Variants in SPRED2 observed in about 807,000 individuals in gnomAD.
SPRED2 encodes the protein sprouty-related, EVH1 domain-containing protein 2.
In SPRED2, 47 loss-of-function variants were observed where a neutral mutation model predicts 43.0. The ratio of observed to expected loss-of-function variants is 1.09; its 90% confidence interval spans 0.87 to 1.40. SPRED2 has a LOEUF of 1.40. Ranked by LOEUF, SPRED2 falls within the 40% of genes most tolerant of loss-of-function variation. The pLI is 0.00. For synonymous variants in SPRED2, 225 were observed against 225.7 expected, an observed-to-expected ratio of 1.00 and a Z score of 0.03; for missense variants, 561 against 586.4, an observed-to-expected ratio of 0.96 and a Z score of 0.45.
Position 65,313,888 on chromosome 2 carries a change from C to A in SPRED2, c.870G>T (p.Thr290=). 1 of 1,610,318 alleles carries A rather than the reference C, an allele frequency of 6.2e-7. No individual in the cohort carries two copies. Among genetic ancestry groups the A allele is most frequent in the Non-Finnish European group, 8.5e-7 (1 of 1,179,824 alleles). ...GCCGCGACTTGCCCCGGGAGGGCTG[C>A]GTCTTGATCACGCTGCCCCCGCGGC... ...PKGRGGSVIK[T]QPSRGKSRRR... is the part of the protein sequence containing the mutation. The change falls in exon 6 of 6, where the codon ACG becomes ACT. Residue 290 remains threonine (T), a synonymous_variant. Coordinates refer to ENST00000356388, the MANE Select transcript of SPRED2 (RefSeq NM_181784.3).
rs1051599532 is a variant in SPRED2 at position 65,376,324 on chromosome 2, A to G, written c.27-31428T>C. 3.9e-5 allele frequency among the ~76,000 whole-genome samples: 6 copies of G among 152,362 alleles called. No individual in the cohort carries two copies. In the East Asian group the frequency reaches 1.2e-3, roughly 29 times the overall value. On this transcript the variant is annotated intron_variant, in intron 1 of 5. Coordinates refer to ENST00000356388, the MANE Select transcript of SPRED2 (RefSeq NM_181784.3). ...GCACGGCATTCCATGGGTCCGTTTC[A>G]GAGCAGATTCTGGACTGTTTAAATG... is the stretch of plus-strand genomic sequence containing the variant.
chr2:65,340,194 G>GT (rs1347603858), intron 2 of SPRED2, among the ~76,000 whole-genome samples: 2 of 152,052 alleles, frequency 1.3e-5, no homozygotes, highest in African/African-American at 4.8e-5. Context: ...ATAAATAGCT[G>GT]TAACTCACCA....
rs1318771240 is a variant in SPRED2 at position 65,311,141 on chromosome 2, T to A, written c.*2360A>T. On this transcript the variant is annotated 3_prime_UTR_variant, in exon 6 of 6. Transcript: ENST00000356388. ...GGACAGAAAATCTTTTGGTTAATGT[T>A]TTGTTACCACAGATACAAAAATAAA... 7 of 985,802 alleles carry A rather than the reference T, an allele frequency of 7.1e-6. No homozygotes were observed. The highest frequency in any genetic ancestry group is 5.2e-4 in the Middle Eastern group (1 of 1,914). The allele number at this position is 985,802 out of a possible 1,614,324, so 61.1% of individuals were successfully genotyped here.
At chr2:65,409,278 G>A (rs1676097492) in intron 1 of SPRED2, among the ~76,000 whole-genome samples, 1 of 152,184 alleles carries the variant, frequency 6.6e-6, no homozygotes, top group South Asian at 2.1e-4. Flanking sequence ...AAATGGAGAT[G>A]TGCTCCAATT....
chr2:65,426,980 C>T (rs1430187075), intron 1 of SPRED2, among the ~76,000 whole-genome samples: 1 of 152,232 alleles, frequency 6.6e-6, no homozygotes, highest in African/African-American at 2.4e-5. Flanking sequence ...GCTGTTCAGC[C>T]TTGCACTAGG....
intron 1 of SPRED2, chr2:65,377,896 T>C (rs1675282700): frequency 5.9e-6 from 2 of 339,434 alleles, no homozygotes; most frequent in Non-Finnish European, 1.2e-5. Context: ...CATACTCTCT[T>C]TCCACATGCA....
intron 2 of SPRED2, among the ~76,000 whole-genome samples, chr2:65,339,183 T>G (rs1572851622): frequency 1.5e-5 from 2 of 132,186 alleles, no homozygotes; most frequent in African/African-American, 3.0e-5. Flanking sequence ...TACTGGGAGG[T>G]GGGGAGCCCC....
chr2:65,405,138 T>C (rs1397115362), intron 1 of SPRED2, among the ~76,000 whole-genome samples: 2 of 152,224 alleles, frequency 1.3e-5, no homozygotes, highest in African/African-American at 4.8e-5. Flanking sequence ...CATCAGCCCA[T>C]TTTCCAGGAG....
intron 1 of SPRED2, among the ~76,000 whole-genome samples, chr2:65,388,568 T>A (rs902827177): frequency 2.0e-5 from 3 of 152,174 alleles, no homozygotes; most frequent in African/African-American, 7.2e-5. Flanking sequence ...CCTGGTCTCC[T>A]ACTGCAGGGT....
At chr2:65,325,915 G>A (rs1324708398) in intron 4 of SPRED2, among the ~76,000 whole-genome samples, 4 of 151,986 alleles carry the variant, frequency 2.6e-5, no homozygotes, top group Non-Finnish European at 4.4e-5. Context: ...CCCGGGAGGC[G>A]GAGGTTACAT....
chr2:65,430,744 C>G (rs1318113061), intron 1 of SPRED2, among the ~76,000 whole-genome samples: 1 of 152,138 alleles, frequency 6.6e-6, no homozygotes, highest in East Asian at 1.9e-4. Context: ...AAGCCCGCGC[C>G]GCCGCTACCT....
intron 1 of SPRED2, among the ~76,000 whole-genome samples, chr2:65,387,433 C>T (rs990201341): frequency 2.6e-5 from 4 of 152,204 alleles, no homozygotes; most frequent in African/African-American, 9.7e-5. Context: ...ATGGTAAGCA[C>T]ACCTAGGTCT....
Position 65,432,106 on chromosome 2 carries a change from G to A in SPRED2, c.-119C>T. 1.5e-6 allele frequency: 2 copies of A among 1,346,632 alleles called. No homozygotes were observed. The highest frequency in any genetic ancestry group is 2.1e-6 in the Non-Finnish European group (2 of 960,346). 83.4% of individuals were successfully genotyped at this position (1,346,632 alleles called of 1,614,324 possible). A position where few individuals can be genotyped will look rare whatever the true frequency, so the allele number is the denominator to read the frequency against. On this transcript the variant is annotated 5_prime_UTR_variant, in exon 1 of 6. Transcript: ENST00000356388. ...TCGCCTGATTTGGGGAGGGGGGGCG[G>A]CTAGAGATGAAGAGGGCGCCGCAGC...
Position 65,311,321 on chromosome 2 carries a change from C to A in SPRED2, c.*2180G>T, listed in dbSNP as rs1673061886. On this transcript the variant is annotated 3_prime_UTR_variant, in exon 6 of 6. Coordinates refer to ENST00000356388, the MANE Select transcript of SPRED2 (RefSeq NM_181784.3). ...TGCCCTTAACCGATGCCTTCACAAA[C>A]CAAAAAGTATACGTGGAGTAAGATC... 2.0e-6 allele frequency: 2 copies of A among 985,654 alleles called. No homozygotes were observed. The highest frequency in any genetic ancestry group is 2.4e-6 in the Non-Finnish European group (2 of 829,900). 61.1% of individuals were successfully genotyped at this position (985,654 alleles called of 1,614,324 possible). A position where few individuals can be genotyped will look rare whatever the true frequency, so the allele number is the denominator to read the frequency against.
chr2:65,328,627 T>C (rs1673717353), intron 4 of SPRED2, among the ~76,000 whole-genome samples: 1 of 152,146 alleles, frequency 6.6e-6, no homozygotes, highest in South Asian at 2.1e-4. Flanking sequence ...TCCCCTCCCC[T>C]TGGGCCAGTG....
chr2:65,427,244 A>G (rs2103815615), intron 1 of SPRED2, among the ~76,000 whole-genome samples: 1 of 150,666 alleles, frequency 6.6e-6, no homozygotes, highest in South Asian at 2.1e-4. Context: ...GCTAATTTTT[A>G]TTTTTTATTT....
chr2:65,385,120 CA>C (rs1016312299), intron 1 of SPRED2, among the ~76,000 whole-genome samples: 44 of 151,980 alleles, frequency 2.9e-4, no homozygotes, highest in African/African-American at 1.0e-3. Context: ...ACTACAGGCG[CA>C]CCACCACACC....
At chr2:65,370,744 T>C (rs1343130670) in intron 1 of SPRED2, among the ~76,000 whole-genome samples, 5 of 152,142 alleles carry the variant, frequency 3.3e-5, no homozygotes, top group African/African-American at 1.2e-4. Context: ...GGAGGGGAAA[T>C]CTACAGTGCC....
chr2:65,420,209 C>CAAA (rs61448407), intron 1 of SPRED2, among the ~76,000 whole-genome samples: 14 of 79,784 alleles, frequency 1.8e-4, no homozygotes, highest in African/African-American at 4.4e-4. Flanking sequence ...GACTCTGTCT[C>CAAA]AAAAAAAAAA....
Sources: gnomAD v4.1 joint callset for allele counts (sites outside exome capture counted in the v4.1 genomes callset) on GRCh38, gnomAD v4.1.1 for gene constraint, MANE v1.5 for transcripts, NCBI Gene and HGNC (gene_info 2026-07-23, HGNC 2026-07-21) for gene names.